The following MACF1 variants were observed in gnomAD, a reference collection of about 807,000 sequenced individuals.
MACF1 encodes the protein microtubule actin crosslinking factor 1.
Under a neutral mutation model 854.8 loss-of-function variants are expected in MACF1, and 193 were observed. The observed-to-expected ratio is 0.23, with a 90% confidence interval of 0.20 to 0.25. The LOEUF (loss-of-function observed/expected upper bound fraction) is 0.25. MACF1 is among the 10% of genes least tolerant of loss of function. The pLI, the probability that MACF1 is intolerant of heterozygous loss-of-function variation, is 1.00. For missense variants in MACF1, 7,722 were observed against 8,929.1 expected (o/e 0.86, Z 5.45); for synonymous variants, 3,185 against 3,226.7 (o/e 0.99, Z 0.44).
At chr1:39,206,825 A>T (rs548042432) in intron 1 of MACF1, 2 of 152,276 alleles carry the variant, frequency 1.3e-5, no homozygotes, top group East Asian at 3.9e-4. Context: ...TCATTTATTT[A>T]AAAATGTATT....
At chr1:39,179,403 T>C (rs1249289437) in intron 2 of MACF1, among the ~76,000 whole-genome samples, 1 of 152,162 alleles carries the variant, frequency 6.6e-6, no homozygotes, top group African/African-American at 2.4e-5. Context: ...GAAAAAGCAC[T>C]AGATAGGCAA....
intron 33 of MACF1, among the ~76,000 whole-genome samples, chr1:39,323,949 A>C (rs1307653689): frequency 6.6e-6 from 1 of 152,176 alleles, no homozygotes; most frequent in Non-Finnish European, 1.5e-5. Flanking sequence ...AGTGCCTATT[A>C]TATATAAAAC....
Position 39,105,317 on chromosome 1 carries a change from G to A in MACF1, c.220+20879G>A, listed in dbSNP as rs1459308441. On this transcript the variant is annotated intron_variant, in intron 2 of 93. Coordinates refer to the MACF1 transcript ENST00000361689. The surrounding 1 kb of genome is among the most constrained non-coding windows in gnomAD (Gnocchi z 5.9). ...GGGCCGGGCCTGGCGCTCCTGACAG[G>A]AGGAGCCGCCGCCGCCGCCCGCCGC... The A allele has an allele frequency of 2.5e-6, 2 of 787,098 alleles. No individual in the cohort carries two copies. Among genetic ancestry groups the A allele is most frequent in the Non-Finnish European group, 3.1e-6 (2 of 649,518 alleles). The allele number at this position is 787,098 out of a possible 1,614,324, so 48.8% of individuals were successfully genotyped here.
In MACF1 at chr1:39,442,662, C is replaced by T. The variant is rs1457044325; in HGVS notation, c.19105-52C>T. 6.8e-6 allele frequency: 11 copies of T among 1,609,640 alleles called. No homozygotes were observed. The South Asian group carries it at 1.1e-4, about 16-fold the overall frequency. ...GAATGTTGTGTATATCTTAAGAGAA[C>T]CAAGTTAGATGATATCCATAGAGAT... On this transcript the variant is annotated intron_variant, in intron 77 of 100. Transcript: ENST00000564288.
chr1:39,419,400 G>C (rs905684449), intron 58 of MACF1, among the ~76,000 whole-genome samples: 1 of 152,166 alleles, frequency 6.6e-6, no homozygotes, highest in Non-Finnish European at 1.5e-5. Context: ...ATGCTCCCAA[G>C]TCTGAAACTT....
At chr1:39,251,595 C>T (rs1469876028) in intron 3 of MACF1, among the ~76,000 whole-genome samples, 1 of 152,030 alleles carries the variant, frequency 6.6e-6, no homozygotes, top group Non-Finnish European at 1.5e-5. Context: ...ATGTTTTTTC[C>T]CCATAGTTGA....
Position 39,292,995 on chromosome 1 carries a change from A to G in MACF1, c.1992+152A>G, listed in dbSNP as rs1307490119. 8 of 599,766 alleles carry G rather than the reference A, an allele frequency of 1.3e-5. No homozygotes were observed. In the East Asian group the frequency reaches 1.4e-4, roughly 11 times the overall value. The allele number at this position is 599,766 out of a possible 1,614,324, so 37.2% of individuals were successfully genotyped here. A position where few individuals can be genotyped will look rare whatever the true frequency, so the allele number is the denominator to read the frequency against. ...ATTTACTATGCACTTATTCATATCT[A>G]TTATAACATTTTCCCAATTTTCTAA... On this transcript the variant is annotated intron_variant, in intron 17 of 100. Transcript: ENST00000564288.
intron 6 of MACF1, among the ~76,000 whole-genome samples, chr1:39,271,509 TTCAAC>T (rs921330316): frequency 4.6e-5 from 7 of 152,174 alleles, no homozygotes; most frequent in Non-Finnish European, 1.0e-4. Context: ...GGGATTACAA[TTCAAC>T]ATGAGATTTG....
chr1:39,345,790 C>T (rs781513472), intron 40 of MACF1, among the ~76,000 whole-genome samples: 3 of 151,746 alleles, frequency 2.0e-5, no homozygotes, highest in Admixed American at 6.6e-5. Flanking sequence ...GATTGATGGC[C>T]GGGCGTGTGG....
intron 2 of MACF1, among the ~76,000 whole-genome samples, chr1:39,239,771 A>G (rs1420527990): frequency 6.6e-6 from 1 of 152,220 alleles, no homozygotes. Flanking sequence ...TCTAGCAGAT[A>G]GAGCAGTTCT....
chr1:39,173,647 ACT>A (rs1051159974), intron 2 of MACF1, among the ~76,000 whole-genome samples: 6 of 151,956 alleles, frequency 3.9e-5, no homozygotes, highest in Non-Finnish European at 8.8e-5. Context: ...AGGAGTAGAG[ACT>A]CTGTTATTTC....
Position 39,334,380 on chromosome 1 carries a change from G to A in MACF1, c.7792G>A (p.Ala2598Thr), listed in dbSNP as rs765061949. 15 of 1,614,094 alleles carry A rather than the reference G, an allele frequency of 9.3e-6. No homozygotes were observed. In the South Asian group the frequency reaches 1.3e-4, roughly 14 times the overall value. ...TGGTCAGAGATTGACCTTGGCAGAA[G>A]CTAAAAAAGAAGGACTGTTAACTAA... ...ISGQRLTLAEAKKEGLLTNEA... is the reference protein window; with the variant it reads ...ISGQRLTLAETKKEGLLTNEA... Residue 2598 changes from alanine to threonine, a missense_variant, in exon 37 of 101, where the codon GCT becomes ACT. Physicochemically the swap from Ala to Thr is moderately conservative, Grantham distance 58. Around this residue, in one of 15 missense-constraint regions of MACF1, gnomAD observed 1,531 missense variants for 1,601.6 expected, o/e 0.96. Coordinates refer to ENST00000564288, the MANE Select transcript of MACF1 (RefSeq NM_001394062.1).
intron 88 of MACF1, among the ~76,000 whole-genome samples, chr1:39,454,612 G>A (rs188429024): frequency 1.6e-3 from 243 of 152,096 alleles, no homozygotes; most frequent in Non-Finnish European, 2.9e-3. Context: ...ACAAGCCTGG[G>A]CAACATGGTG....
chr1:39,385,387 A>G (rs780026661), intron 56 of MACF1, 47 bp from the exon 57 acceptor site: 3 of 1,592,070 alleles, frequency 1.9e-6, no homozygotes, highest in East Asian at 2.2e-5. Flanking sequence ...TTTTAGATAG[A>G]TCTGTTTTTT....
intron 2 of MACF1, among the ~76,000 whole-genome samples, chr1:39,133,814 G>A (rs1643082916): frequency 6.6e-6 from 1 of 152,044 alleles, no homozygotes; most frequent in Non-Finnish European, 1.5e-5. Flanking sequence ...TTTTTCTAGA[G>A]TTGCTTTTTC....
intron 49 of MACF1, among the ~76,000 whole-genome samples, chr1:39,364,457 C>T: frequency 6.7e-6 from 1 of 148,724 alleles, no homozygotes; most frequent in Admixed American, 6.7e-5. Flanking sequence ...CCAGATTGTG[C>T]TTTTGACTTA....
intron 74 of MACF1, among the ~76,000 whole-genome samples, chr1:39,441,599 T>C (rs1041646235): frequency 9.2e-5 from 14 of 152,198 alleles, no homozygotes; most frequent in African/African-American, 2.2e-4. Flanking sequence ...GTGAAAGTCA[T>C]TGCTTGCCAG....
At chr1:39,212,826 T>C (rs1251346487) in intron 1 of MACF1, among the ~76,000 whole-genome samples, 2 of 152,226 alleles carry the variant, frequency 1.3e-5, no homozygotes, top group Non-Finnish European at 2.9e-5. Flanking sequence ...GGTTTCGCCA[T>C]GTTGGCCAGG....
intron 2 of MACF1, chr1:39,103,845 C>T (rs1642154845): frequency 6.6e-6 from 1 of 152,246 alleles, no homozygotes; most frequent in Non-Finnish European, 1.5e-5. Context: ...ATGACTTGCT[C>T]ACCTGATTTC....
Sources: allele counts gnomAD v4.1 joint callset (sites outside exome capture counted in the v4.1 genomes callset), GRCh38; gene constraint gnomAD v4.1.1; regional missense constraint gnomAD v4.1.1; non-coding constraint Gnocchi (gnomAD v3.1); transcripts MANE v1.5; gene names NCBI Gene and HGNC (gene_info 2026-07-23, HGNC 2026-07-21).